RPTOR: variants seen among roughly 807,000 people sequenced by gnomAD.
RPTOR encodes the protein regulatory-associated protein of mTOR.
RPTOR carries 21 observed loss-of-function variants against 169.9 expected under a neutral mutation model. The ratio of observed to expected loss-of-function variants is 0.12; its 90% CI spans 0.09 to 0.18. The LOEUF (loss-of-function observed/expected upper bound fraction) is 0.18, where lower values mean the gene tolerates loss of function less well. RPTOR is among the 10% of genes least tolerant of loss of function. The pLI is 1.00. For synonymous variants in RPTOR, 732 were observed against 753.2 expected (o/e 0.97, Z 0.46); for missense variants, 1,133 against 1,855.9 (o/e 0.61, Z 7.16).
At chr17:80,778,925 C>T (rs140669630) in intron 6 of RPTOR, among the ~76,000 whole-genome samples, 370 of 152,344 alleles carry the variant, frequency 2.4e-3, no homozygotes, top group African/African-American at 7.9e-3. Context: ...ATGGGTTTTG[C>T]TCTTGGTTGT....
At chr17:80,766,636 G>A (rs2066790198) in intron 6 of RPTOR, among the ~76,000 whole-genome samples, 1 of 152,156 alleles carries the variant, frequency 6.6e-6, no homozygotes, top group Non-Finnish European at 1.5e-5. Context: ...TGCTTGCAAA[G>A]GTCCACCTAG....
At chr17:80,854,447 A>T (rs2067830078) in intron 11 of RPTOR, among the ~76,000 whole-genome samples, 1 of 152,202 alleles carries the variant, frequency 6.6e-6, no homozygotes, top group South Asian at 2.1e-4. Context: ...TGCCGTCGAG[A>T]GTGTGAGTGG....
At chr17:80,640,912 C>T (rs763449018) in intron 2 of RPTOR, among the ~76,000 whole-genome samples, 18 of 152,228 alleles carry the variant, frequency 1.2e-4, no homozygotes, top group African/African-American at 3.6e-4. Context: ...CCGCGGGCCG[C>T]GACCATGCTG....
intron 1 of RPTOR, among the ~76,000 whole-genome samples, chr17:80,568,409 G>A (rs1349042281): frequency 1.3e-5 from 2 of 152,098 alleles, no homozygotes; most frequent in African/African-American, 4.8e-5. Context: ...GTTGTCTCAG[G>A]CTTGTCTTGT....
At position 80,545,855 on chromosome 17, in the gene RPTOR, C is replaced by T. The variant is rs1460820108; in HGVS notation, c.162+64C>T. ...TTCCCCAACAAAGAAAGTTTACAGC[C>T]CGAAAAGTGTCCTTGGGAAAGCGCC... is the stretch of plus-strand genomic sequence containing the variant. On this transcript the variant is annotated intron_variant, in intron 1 of 33. Transcript: ENST00000306801. The T allele has an allele frequency of 1.4e-5, 20 of 1,390,484 alleles. No homozygotes were observed. The Admixed American group carries it at 2.8e-4, about 19-fold the overall frequency. 86.1% of individuals were successfully genotyped at this position (1,390,484 alleles called of 1,614,324 possible).
At chr17:80,829,869 T>C (rs111599409) in intron 9 of RPTOR, among the ~76,000 whole-genome samples, 137 of 152,318 alleles carry the variant, frequency 9.0e-4, no homozygotes, top group African/African-American at 3.2e-3. Context: ...CAGAAATCAA[T>C]GATGATGTGA....
intron 14 of RPTOR, among the ~76,000 whole-genome samples, chr17:80,883,080 G>A (rs2068203715): frequency 6.6e-6 from 1 of 152,198 alleles, no homozygotes; most frequent in Non-Finnish European, 1.5e-5. Context: ...ACAGAGTGCT[G>A]GGCAGGCTGG....
Position 80,695,882 on chromosome 17 carries a change from G to GTGGC in RPTOR, c.349-11956_349-11953dup, listed in dbSNP as rs2066032193. Among the ~76,000 whole-genome samples the GTGGC allele has an allele frequency of 6.6e-6, 1 of 152,192 alleles. No individual in the cohort carries two copies. The highest frequency in any genetic ancestry group is 1.5e-5 in the Non-Finnish European group (1 of 68,024). ...GACCACTTTTGCCCTGCATGGCCTC[G>GTGGC]TGGCTGCCTTTTCTACCTGCGTGAG... On this transcript the variant is annotated intron_variant, in intron 3 of 33. Transcript: ENST00000306801. This position sits in a 1 kb window ranked among gnomAD's most constrained non-coding sequence, Gnocchi z 4.9.
intron 1 of RPTOR, among the ~76,000 whole-genome samples, chr17:80,566,147 C>A (rs995135816): frequency 1.3e-5 from 2 of 152,210 alleles, no homozygotes; most frequent in African/African-American, 4.8e-5. Flanking sequence ...GTGTTTTCAT[C>A]AATCAAGTGG....
At chr17:80,915,036 G>A (rs998028211) in intron 21 of RPTOR, among the ~76,000 whole-genome samples, 7 of 152,258 alleles carry the variant, frequency 4.6e-5, no homozygotes, top group Non-Finnish European at 8.8e-5. Context: ...TCAAGGAAAC[G>A]ATGGCATAAC....
intron 10 of RPTOR, among the ~76,000 whole-genome samples, chr17:80,839,942 G>C (rs1236100511): frequency 2.6e-5 from 4 of 152,214 alleles, no homozygotes; most frequent in Non-Finnish European, 5.9e-5. Context: ...ATTTGGGAAT[G>C]ATTTCACCAT....
intron 13 of RPTOR, among the ~76,000 whole-genome samples, chr17:80,859,674 A>G (rs1300941870): frequency 1.3e-5 from 2 of 152,222 alleles, no homozygotes; most frequent in Non-Finnish European, 2.9e-5. Context: ...GGCCTGTAGG[A>G]GCAGGTCCAC....
At chr17:80,839,418 A>T (rs1234203452) in intron 10 of RPTOR, among the ~76,000 whole-genome samples, 1 of 152,138 alleles carries the variant, frequency 6.6e-6, no homozygotes, top group African/African-American at 2.4e-5. Flanking sequence ...CTTCTACCCC[A>T]TCTTTGTATT....
intron 3 of RPTOR, among the ~76,000 whole-genome samples, chr17:80,666,267 C>T (rs569654334): frequency 9.2e-5 from 14 of 152,080 alleles, no homozygotes; most frequent in African/African-American, 2.4e-4. Flanking sequence ...AAATAAATTA[C>T]GTTTATTATC....
rs112260675 is a variant in RPTOR at position 80,706,302 on chromosome 17, G to A, written c.349-1539G>A. ...CAGAAGGTCGTAGATTTACTCTGTC[G>A]GTTCTTCTTTGTTGGGAGTTCACCA... On this transcript the variant is annotated intron_variant, in intron 3 of 33. Coordinates refer to ENST00000306801, the MANE Select transcript of RPTOR (RefSeq NM_020761.3). Among the ~76,000 whole-genome samples the A allele has an allele frequency of 2.4e-4, 37 of 152,170 alleles. No homozygotes were observed. In the South Asian group the frequency reaches 6.6e-3, roughly 27 times the overall value.
chr17:80,555,346 G>C (rs2084395221), intron 1 of RPTOR, among the ~76,000 whole-genome samples: 1 of 152,198 alleles, frequency 6.6e-6, no homozygotes, highest in Non-Finnish European at 1.5e-5. Context: ...CTTACATGTG[G>C]CCACCTAGCC....
intron 28 of RPTOR, among the ~76,000 whole-genome samples, chr17:80,951,443 A>T (rs909315315): frequency 7.9e-5 from 12 of 152,182 alleles, no homozygotes; most frequent in African/African-American, 2.9e-4. Flanking sequence ...GGGGTCAGAG[A>T]ACGAGGCTCT....
intron 3 of RPTOR, among the ~76,000 whole-genome samples, chr17:80,706,053 T>C (rs780141558): frequency 6.6e-6 from 1 of 152,322 alleles, no homozygotes; most frequent in South Asian, 2.1e-4. Context: ...GCCTTACTTA[T>C]TTTAGTTGTT....
At chr17:80,900,901 G>A (rs766809634) in intron 20 of RPTOR, among the ~76,000 whole-genome samples, 8 of 152,230 alleles carry the variant, frequency 5.3e-5, no homozygotes, top group Non-Finnish European at 1.2e-4. Context: ...GAGAGCTTCC[G>A]TCTGCAGGTC....
Sources: allele counts gnomAD v4.1 joint callset (sites outside exome capture counted in the v4.1 genomes callset), GRCh38; gene constraint gnomAD v4.1.1; non-coding constraint Gnocchi (gnomAD v3.1); transcripts MANE v1.5; gene names NCBI Gene and HGNC (gene_info 2026-07-23, HGNC 2026-07-21).